Variants in MANBA observed in about 807,000 individuals in gnomAD.
The protein encoded by MANBA is beta-mannosidase.
MANBA carries 83 observed loss-of-function variants against 111.1 expected under a neutral mutation model. That is an observed-to-expected ratio of 0.75 (90% confidence interval 0.63 to 0.90). The LOEUF (loss-of-function observed/expected upper bound fraction) is 0.90, where lower values mean the gene tolerates loss of function less well. Ranked by LOEUF, MANBA falls within the 40% of genes least tolerant of loss-of-function variation. The probability of loss-of-function intolerance (pLI) is 0.00; values close to 1 mark genes in which losing one functional copy is unlikely to be tolerated. For missense variants in MANBA, 1,036 were observed against 1,069.0 expected, an observed-to-expected ratio of 0.97 and a Z score of 0.43; for synonymous variants, 370 against 378.7, an observed-to-expected ratio of 0.98 and a Z score of 0.27.
intron 7 of MANBA, among the ~76,000 whole-genome samples, chr4:102,680,273 C>T (rs77845705): frequency 0.03 from 4,554 of 152,288 alleles, 91 homozygotes; most frequent in Non-Finnish European, 0.044. Flanking sequence ...TTTCACTGTA[C>T]ATTGTTCAAG....
chr4:102,659,341 T>C (rs1039171596), intron 11 of MANBA, among the ~76,000 whole-genome samples: 5 of 152,334 alleles, frequency 3.3e-5, no homozygotes, highest in African/African-American at 7.2e-5. Flanking sequence ...CCCTGAGAGA[T>C]AGACTTCCAG....
chr4:102,676,491 C>T (rs72940745), intron 7 of MANBA, among the ~76,000 whole-genome samples: 8,000 of 151,758 alleles, frequency 0.053, 655 homozygotes, highest in African/African-American at 0.18. Flanking sequence ...AAAAGTTAGT[C>T]GAGGAAATAA....
At chr4:102,656,963 GTTTCT>G (rs1228821639) in intron 12 of MANBA, among the ~76,000 whole-genome samples, 2 of 152,076 alleles carry the variant, frequency 1.3e-5, no homozygotes, top group Non-Finnish European at 2.9e-5. Flanking sequence ...TGGGTTCAGG[GTTTCT>G]TTTGAGTGAT....
chr4:102,655,574 C>T (rs559245196), intron 12 of MANBA, among the ~76,000 whole-genome samples: 5 of 152,286 alleles, frequency 3.3e-5, no homozygotes, highest in South Asian at 2.1e-4. Context: ...TTAATACATG[C>T]TATTGGAACA....
chr4:102,682,138 C>G (rs1331656514), intron 7 of MANBA, among the ~76,000 whole-genome samples: 1 of 143,556 alleles, frequency 7.0e-6, no homozygotes, highest in Non-Finnish European at 1.5e-5. Flanking sequence ...CAAAAGACAA[C>G]TCTGTCTCAA....
rs112972774 is a variant in MANBA at position 102,689,382 on chromosome 4, G to A, written c.960+192C>T. The stretch of plus-strand genomic sequence containing the variant: ...AAAATATATATATATATATATATGT[G>A]TGTGTGTATATATATGTATGTATAT... On this transcript the variant is annotated intron_variant, in intron 7 of 16. Coordinates refer to ENST00000647097, the MANE Select transcript of MANBA (RefSeq NM_005908.4). Among the ~76,000 whole-genome samples, 4,139 of 60,448 alleles carry A rather than the reference G, an allele frequency of 0.068. 78 individuals are homozygous for A. The highest frequency in any genetic ancestry group is 0.084 in the Non-Finnish European group (1,866 of 22,110). 39.7% of individuals were successfully genotyped at this position (60,448 alleles called of 152,430 possible).
chr4:102,754,192 T>C (rs1723919008), intron 1 of MANBA, among the ~76,000 whole-genome samples: 1 of 152,132 alleles, frequency 6.6e-6, no homozygotes, highest in African/African-American at 2.4e-5. Flanking sequence ...AGATAAGCAC[T>C]CTGATAAAAT....
At chr4:102,683,567 T>C (rs1028477584) in intron 7 of MANBA, among the ~76,000 whole-genome samples, 2 of 152,254 alleles carry the variant, frequency 1.3e-5, no homozygotes, top group Admixed American at 1.3e-4. Context: ...TTCAGTACAA[T>C]CAATTAGTAG....
At chr4:102,685,589 C>A (rs1732173435) in intron 7 of MANBA, among the ~76,000 whole-genome samples, 1 of 152,132 alleles carries the variant, frequency 6.6e-6, no homozygotes, top group African/African-American at 2.4e-5. Context: ...CTTGCCCTCT[C>A]AACTACCTCC....
rs1432823012 is a variant in MANBA, at chr4:102,639,737, G to A, written c.1990C>T (p.Gln664Ter). 1.2e-6 allele frequency: 2 copies of A among 1,614,010 alleles called. No homozygotes were observed. Among genetic ancestry groups the A allele is most frequent in the Non-Finnish European group, 1.7e-6 (2 of 1,180,004 alleles). ...ALYWQLNDIW[Q>*]APSWASLEYG... ...CCAAGAGAAGCCCAGGAAGGAGCTTGCCAGATGTCATTCAACTGCCAATAA... is the reference window on the plus strand; with the variant it reads ...CCAAGAGAAGCCCAGGAAGGAGCTTACCAGATGTCATTCAACTGCCAATAA... The change falls in exon 14 of 17, where the codon CAA becomes TAA. Residue 664 changes from glutamine to a stop codon, truncating the protein, a stop_gained. Coordinates refer to ENST00000647097, the MANE Select transcript of MANBA (RefSeq NM_005908.4). LOFTEE classifies it high-confidence loss of function.
Position 102,714,574 on chromosome 4 carries a change from G to A in MANBA, c.550-13C>T, listed in dbSNP as rs759133352. On this transcript the variant is annotated splice_polypyrimidine_tract_variant and intron_variant, in intron 4 of 16. Transcript: ENST00000647097. ...AGGAACATTGCTCCTGCAATTTCAA[G>A]GAGAAAAAGAAGATATATTCTGATT... 2.5e-6 allele frequency: 4 copies of A among 1,605,034 alleles called. No individual in the cohort carries two copies. Among genetic ancestry groups the A allele is most frequent in the African/African-American group, 2.7e-5 (2 of 74,642 alleles).
chr4:102,738,859 A>G (rs1578952629), intron 1 of MANBA, among the ~76,000 whole-genome samples: 1 of 152,196 alleles, frequency 6.6e-6, no homozygotes, highest in East Asian at 1.9e-4. Context: ...AAAAACAATA[A>G]AGGATATGAA....
intron 5 of MANBA, among the ~76,000 whole-genome samples, chr4:102,700,966 G>C (rs1269797013): frequency 6.6e-6 from 1 of 151,948 alleles, no homozygotes; most frequent in African/African-American, 2.4e-5. Context: ...GGGTGTTAAA[G>C]TCTCCCATTA....
intron 1 of MANBA, among the ~76,000 whole-genome samples, chr4:102,760,089 TACACACAC>T (rs35109830): frequency 6.7e-6 from 1 of 149,736 alleles, no homozygotes; most frequent in Non-Finnish European, 1.5e-5. Flanking sequence ...TCCATTGGGA[TACACACAC>T]ACACACACAC....
chr4:102,740,523 T>C (rs1168824007), intron 1 of MANBA, among the ~76,000 whole-genome samples: 1 of 152,150 alleles, frequency 6.6e-6, no homozygotes, highest in Non-Finnish European at 1.5e-5. Flanking sequence ...TCCTGAGATA[T>C]CACATTACCT....
chr4:102,700,556 G>A (rs1244948296), intron 5 of MANBA, among the ~76,000 whole-genome samples: 1 of 151,690 alleles, frequency 6.6e-6, no homozygotes, highest in Non-Finnish European at 1.5e-5. Flanking sequence ...CTGGTATGTT[G>A]TGTCTTTGTT....
intron 1 of MANBA, among the ~76,000 whole-genome samples, chr4:102,759,320 A>C (rs1485767733): frequency 6.6e-6 from 1 of 151,500 alleles, no homozygotes; most frequent in Non-Finnish European, 1.5e-5. Context: ...ACGTACCAGC[A>C]CCCATTGGCT....
intron 5 of MANBA, among the ~76,000 whole-genome samples, chr4:102,705,424 T>C (rs1733253531): frequency 6.6e-6 from 1 of 152,136 alleles, no homozygotes; most frequent in South Asian, 2.1e-4. Flanking sequence ...TCCTGGAGAC[T>C]TACTGACATC....
chr4:102,750,716 C>T (rs1723757999), intron 1 of MANBA, among the ~76,000 whole-genome samples: 1 of 152,052 alleles, frequency 6.6e-6, no homozygotes, highest in African/African-American at 2.4e-5. Flanking sequence ...AGTTTGAGAC[C>T]AGCCTGTGCA....
Sources: gnomAD v4.1 joint callset for allele counts (sites outside exome capture counted in the v4.1 genomes callset) on GRCh38, gnomAD v4.1.1 for gene constraint, MANE v1.5 for transcripts, NCBI Gene and HGNC (gene_info 2026-07-23, HGNC 2026-07-21) for gene names.